Variants in FGGY observed in about 807,000 individuals in gnomAD.
The protein encoded by FGGY is FGGY carbohydrate kinase domain containing, also known as FGGY carbohydrate kinase domain-containing protein.
Under a neutral mutation model 71.3 loss-of-function variants are expected in FGGY, and 72 were observed. That is an observed-to-expected ratio of 1.01 (90% CI 0.84 to 1.23). FGGY has a LOEUF of 1.23. FGGY is among the 50% of genes most tolerant of loss of function. FGGY has a pLI of 0.00. For missense variants in FGGY, 668 were observed against 682.3 expected (o/e 0.98, Z 0.23); for synonymous variants, 251 against 250.3 (o/e 1.00, Z -0.02).
chr1:59,560,621 C>T (rs1214908660), intron 8 of FGGY, among the ~76,000 whole-genome samples: 1 of 152,018 alleles, frequency 6.6e-6, no homozygotes, highest in Admixed American at 6.6e-5. Context: ...ACTATTCACT[C>T]ATAAAGAAAA....
At chr1:59,524,698 G>A (rs1298244414) in intron 7 of FGGY, among the ~76,000 whole-genome samples, 2 of 152,118 alleles carry the variant, frequency 1.3e-5, no homozygotes, top group African/African-American at 2.4e-5. Flanking sequence ...TCTCCACTGA[G>A]AGCTGGACAC....
At position 59,416,886 on chromosome 1, in the gene FGGY, G is replaced by T. The variant is rs74333063; in HGVS notation, c.554+38049G>T. Among the ~76,000 whole-genome samples, 583 of 152,246 alleles carry T rather than the reference G, an allele frequency of 3.8e-3. 4 individuals carry two copies. Among genetic ancestry groups the T allele is most frequent in the African/African-American group, 0.013 (547 of 41,556 alleles). ...AAGAAGCAGGGAAAGTGGAAAACAA[G>T]ATTATCATGGTTGGCTTAAACCTGC... On this transcript the variant is annotated intron_variant, in intron 5 of 15. Coordinates refer to ENST00000303721, the MANE Select transcript of FGGY (RefSeq NM_018291.5).
At chr1:59,429,659 C>A (rs2066988027) in intron 5 of FGGY, among the ~76,000 whole-genome samples, 1 of 152,212 alleles carries the variant, frequency 6.6e-6, no homozygotes, top group South Asian at 2.1e-4. Context: ...AGCACACATG[C>A]ATATGCATCC....
intron 5 of FGGY, among the ~76,000 whole-genome samples, chr1:59,448,130 G>C (rs2071751354): frequency 1.3e-5 from 2 of 152,142 alleles, no homozygotes; most frequent in African/African-American, 4.8e-5. Context: ...TCTACCAAGA[G>C]AGTTACTACT....
chr1:59,431,065 C>T (rs892064301), intron 5 of FGGY, among the ~76,000 whole-genome samples: 2 of 152,142 alleles, frequency 1.3e-5, no homozygotes, highest in African/African-American at 2.4e-5. Flanking sequence ...CCTCAGATAT[C>T]ACTGGGATCC....
chr1:59,423,404 T>A (rs1557875025), intron 5 of FGGY, among the ~76,000 whole-genome samples: 1 of 152,118 alleles, frequency 6.6e-6, no homozygotes, highest in Non-Finnish European at 1.5e-5. Context: ...GCATGTCAGA[T>A]TTCTCTGATA....
intron 14 of FGGY, 81 bp downstream of exon 14, chr1:59,674,214 C>G (rs1054425460): frequency 2.1e-6 from 2 of 966,946 alleles, no homozygotes; most frequent in African/African-American, 3.2e-5. Context: ...TCGCATTTTA[C>G]AAAATACACA....
chr1:59,546,767 G>C (rs2095532599), intron 7 of FGGY, among the ~76,000 whole-genome samples: 1 of 151,714 alleles, frequency 6.6e-6, no homozygotes. Context: ...GGATGGTCTC[G>C]ATCTCCTGAC....
chr1:59,625,970 A>T lies in FGGY; in HGVS notation c.1012-18A>T, dbSNP rs777206879. The T allele has an allele frequency of 1.9e-6, 3 of 1,586,242 alleles. No homozygotes were observed. The highest frequency in any genetic ancestry group is 1.2e-5 in the South Asian group (1 of 84,006). ...ATTAAAGAAGCTATAAAATTGACCC[A>T]TGTCTCTTATTTTTCAGATAGACCA... On this transcript the variant is annotated intron_variant, in intron 9 of 15. Coordinates refer to ENST00000303721, the MANE Select transcript of FGGY (RefSeq NM_018291.5).
intron 14 of FGGY, among the ~76,000 whole-genome samples, chr1:59,717,778 T>C (rs1046127397): frequency 6.6e-6 from 1 of 152,244 alleles, no homozygotes; most frequent in Non-Finnish European, 1.5e-5. Context: ...AAGAATTATA[T>C]GCTGATTGAG....
chr1:59,678,041 C>T (rs1327780231), intron 14 of FGGY, among the ~76,000 whole-genome samples: 13 of 152,220 alleles, frequency 8.5e-5, no homozygotes, highest in Admixed American at 7.8e-4. Flanking sequence ...AGGGTGTTTT[C>T]CTTTTAGTAG....
At chr1:59,613,090 G>A (rs768900049) in intron 9 of FGGY, among the ~76,000 whole-genome samples, 8 of 152,100 alleles carry the variant, frequency 5.3e-5, no homozygotes, top group African/African-American at 7.2e-5. Flanking sequence ...ACAGATCAAC[G>A]AGACAGAACG....
intron 5 of FGGY, among the ~76,000 whole-genome samples, chr1:59,415,850 A>G (rs1227677331): frequency 6.6e-6 from 1 of 152,246 alleles, no homozygotes; most frequent in African/African-American, 2.4e-5. Context: ...CTTCTACAAC[A>G]GAGAGCAACT....
intron 10 of FGGY, among the ~76,000 whole-genome samples, chr1:59,637,987 C>G (rs2096978716): frequency 6.6e-6 from 1 of 152,198 alleles, no homozygotes. Context: ...GGCCATACAT[C>G]TACTAAGAGT....
intron 5 of FGGY, among the ~76,000 whole-genome samples, chr1:59,396,552 T>C (rs763643736): frequency 6.6e-6 from 1 of 152,096 alleles, no homozygotes; most frequent in Non-Finnish European, 1.5e-5. Flanking sequence ...AGTAGCAGAA[T>C]CAGTGAGTGG....
chr1:59,469,873 G>C (rs759322159), intron 6 of FGGY, among the ~76,000 whole-genome samples: 7 of 152,092 alleles, frequency 4.6e-5, no homozygotes, highest in African/African-American at 7.2e-5. Context: ...TCCTGTGTTA[G>C]TTGCTAAGAA....
At chr1:59,372,495 T>C (rs1369274632) in intron 4 of FGGY, among the ~76,000 whole-genome samples, 12 of 152,200 alleles carry the variant, frequency 7.9e-5, no homozygotes, top group African/African-American at 2.4e-4. Flanking sequence ...GAGGAGCTGG[T>C]ACCATTCCTT....
intron 3 of FGGY, among the ~76,000 whole-genome samples, chr1:59,341,234 A>G (rs2050615066): frequency 6.6e-6 from 1 of 152,204 alleles, no homozygotes; most frequent in South Asian, 2.1e-4. Context: ...CTTTGCTGTG[A>G]GAATTTAGTG....
chr1:59,543,567 C>G (rs2095477828), intron 7 of FGGY, among the ~76,000 whole-genome samples: 1 of 152,232 alleles, frequency 6.6e-6, no homozygotes, highest in South Asian at 2.1e-4. Context: ...CAATGTTCAA[C>G]TAACCCTGAC....
Sources: gnomAD v4.1 joint callset for allele counts (sites outside exome capture counted in the v4.1 genomes callset) on GRCh38, gnomAD v4.1.1 for gene constraint, MANE v1.5 for transcripts, NCBI Gene and HGNC (gene_info 2026-07-23, HGNC 2026-07-21) for gene names.